Variants in SERPINA10 observed in about 807,000 individuals in gnomAD.
The protein encoded by SERPINA10 is protein Z-dependent protease inhibitor.
SERPINA10 carries 24 observed loss-of-function variants against 28.0 expected under a neutral mutation model. The ratio of observed to expected loss-of-function variants is 0.86; its 90% CI spans 0.62 to 1.20. The LOEUF (loss-of-function observed/expected upper bound fraction) is 1.20, where lower values mean the gene tolerates loss of function less well. Ranked by LOEUF, SERPINA10 falls within the 50% of genes most tolerant of loss-of-function variation. The pLI is 0.00. For synonymous variants in SERPINA10, 207 were observed against 203.9 expected (o/e 1.02, Z -0.13); for missense variants, 521 against 537.7 (o/e 0.97, Z 0.31).
chr14:94,290,725 G>C, intron 1 of SERPINA10, 82 bp from the exon 2 acceptor site: 1 of 1,463,826 alleles, frequency 6.8e-7, no homozygotes, highest in Non-Finnish European at 9.2e-7. Context: ...CAGGGACCCT[G>C]CCTCCTTCCT....
rs1471961674 is a variant in SERPINA10, at chr14:94,286,210, C to T, written c.1041G>A (p.Glu347=). ...FPKFKLDQKY[E]MHELLRQMGI... is the part of the protein sequence containing the mutation. ...CCATCTGCCTAAGCAGCTCATGCAT[C>T]TCATACTTCTGATCTAGCTTGAACT... Residue 347 remains glutamate, a synonymous_variant, in exon 4 of 5, where the codon GAG becomes GAA. Coordinates refer to ENST00000261994, the MANE Select transcript of SERPINA10 (RefSeq NM_001100607.3). 2 of 1,614,138 alleles carry T rather than the reference C, an allele frequency of 1.2e-6. No individual in the cohort carries two copies.
rs1250329305 is a variant in SERPINA10 at position 94,282,340 on chromosome 14, C to T, written c.*1625G>A. On this transcript the variant is annotated 3_prime_UTR_variant, in exon 5 of 5. Transcript: ENST00000261994. Reference sequence around the variant, plus strand: ...ACATAGTTCACACTGTAAATCAGCTCTATTCAGGATTCTCTGAATATAGTC... The same window carrying T: ...ACATAGTTCACACTGTAAATCAGCTTTATTCAGGATTCTCTGAATATAGTC... The T allele has an allele frequency of 2.0e-5, 3 of 152,122 alleles. No homozygotes were observed. The highest frequency in any genetic ancestry group is 4.4e-5 in the Non-Finnish European group (3 of 68,028). The allele number at this position is 152,122 out of a possible 1,614,324, so 9.4% of individuals were successfully genotyped here. A position where few individuals can be genotyped will look rare whatever the true frequency, so the allele number is the denominator to read the frequency against.
chr14:94,286,614 A>C (rs1251246295), intron 3 of SERPINA10, among the ~76,000 whole-genome samples: 1 of 152,216 alleles, frequency 6.6e-6, no homozygotes, highest in African/African-American at 2.4e-5. Flanking sequence ...TGGATTCTGC[A>C]GACCCGAGGA....
At chr14:94,292,649 G>A (rs1256987445) in intron 1 of SERPINA10, 5 of 701,764 alleles carry the variant, frequency 7.1e-6, no homozygotes, top group Middle Eastern at 2.3e-4. Context: ...TGCAGTGGTA[G>A]CCCAGTAATT....
chr14:94,283,792 G>A lies in SERPINA10; in HGVS notation c.*173C>T, dbSNP rs1894952891. 1.5e-6 allele frequency: 1 copy of A among 659,616 alleles called. No homozygotes were observed. The highest frequency in any genetic ancestry group is 1.8e-5 in the African/African-American group (1 of 55,218). The allele number at this position is 659,616 out of a possible 1,614,324, so 40.9% of individuals were successfully genotyped here. On this transcript the variant is annotated 3_prime_UTR_variant, in exon 5 of 5. Coordinates refer to ENST00000261994, the MANE Select transcript of SERPINA10 (RefSeq NM_001100607.3). The stretch of plus-strand genomic sequence containing the variant: ...TTTCAGGCATCTGCTGGGGGTCTTT[G>A]AATGTATCCCCCTCAGATAAGTGGG...
At chr14:94,292,780 C>A in intron 1 of SERPINA10, 1 of 683,160 alleles carries the variant, frequency 1.5e-6, no homozygotes, top group South Asian at 1.5e-5. Context: ...CACCATCCAG[C>A]ATGGTGAGGA....
intron 3 of SERPINA10, among the ~76,000 whole-genome samples, chr14:94,288,070 C>T (rs765040732): frequency 1.1e-4 from 17 of 152,124 alleles, no homozygotes; most frequent in Admixed American, 6.6e-4. Context: ...AGTCGCAGAA[C>T]GTAAAATACT....
rs904823927 is a variant in SERPINA10 at position 94,285,505 on chromosome 14, GTA to G, written c.1143+601_1143+602del. Among the ~76,000 whole-genome samples, 116 of 150,266 alleles carry G rather than the reference GTA, an allele frequency of 7.7e-4. 1 individual carries two copies. Among genetic ancestry groups the G allele is most frequent in the African/African-American group, 2.5e-3 (104 of 40,902 alleles). ...TCTCCATATATATATATATGTGTGT[GTA>G]TATATATATACACACACACATATAC... On this transcript the variant is annotated intron_variant, in intron 4 of 4. Coordinates refer to ENST00000261994, the MANE Select transcript of SERPINA10 (RefSeq NM_001100607.3).
At chr14:94,284,671 C>A (rs3790037) in intron 4 of SERPINA10, among the ~76,000 whole-genome samples, 35,982 of 152,028 alleles carry the variant, frequency 0.24, 5,138 homozygotes, top group East Asian at 0.59. Flanking sequence ...CTGGAGCCTT[C>A]CTGAATTCTG....
chr14:94,288,392 C>T lies in SERPINA10; in HGVS notation c.886G>A (p.Ala296Thr). 6.2e-7 allele frequency: 1 copy of T among 1,614,074 alleles called. No homozygotes were observed. Among genetic ancestry groups the T allele is most frequent in the Non-Finnish European group, 8.5e-7 (1 of 1,180,004 alleles). ...HVLKLPYQGN[A>T]TMLVVLMEKM... ...TCCATGAGGACCACCAGCATGGTGG[C>T]ATTTCCTTGGTAGGGCAGTTTGAGG... The change falls in exon 3 of 5, where the codon GCC (alanine) becomes ACC (threonine). Residue 296 changes from alanine to threonine, a missense_variant. Physicochemically the swap from Ala to Thr is moderately conservative, Grantham distance 58 (BLOSUM62 0). Transcript: ENST00000261994.
At chr14:94,289,809 C>T (rs192028384) in intron 2 of SERPINA10, 67 bp downstream of exon 2, 374 of 1,544,618 alleles carry the variant, frequency 2.4e-4, no homozygotes, top group Middle Eastern at 1.0e-3. Flanking sequence ...GCTGGCCTAA[C>T]GAAAGGAAAG....
chr14:94,290,911 C>A (rs1895160868), intron 1 of SERPINA10, among the ~76,000 whole-genome samples: 1 of 152,176 alleles, frequency 6.6e-6, no homozygotes, highest in Non-Finnish European at 1.5e-5. Context: ...CCCGTCTCCT[C>A]CCTGAGGGCC....
chr14:94,288,911 C>A (rs1310216811), intron 2 of SERPINA10, among the ~76,000 whole-genome samples: 2 of 152,196 alleles, frequency 1.3e-5, no homozygotes, highest in African/African-American at 4.8e-5. Context: ...ATAGTTGGCT[C>A]CAGCTTAGAG....
chr14:94,288,847 T>C (rs12434093), intron 2 of SERPINA10, among the ~76,000 whole-genome samples: 33,974 of 152,090 alleles, frequency 0.22, 4,516 homozygotes, highest in East Asian at 0.59. Flanking sequence ...TTCCTAACAA[T>C]CCCTGGCTCC....
chr14:94,286,456 T>C (rs553111661), intron 3 of SERPINA10, among the ~76,000 whole-genome samples, 198 bp from the exon 4 acceptor site: 21 of 152,356 alleles, frequency 1.4e-4, no homozygotes, highest in African/African-American at 5.1e-4. Flanking sequence ...TCAGCTTCAG[T>C]GAATGAGTTT....
intron 1 of SERPINA10, 40 bp from the exon 2 acceptor site, chr14:94,290,683 T>G: frequency 6.4e-7 from 1 of 1,561,696 alleles, no homozygotes; most frequent in Non-Finnish European, 8.6e-7. Flanking sequence ...TAATGCCTCC[T>G]AAAATGTCTT....
chr14:94,292,487 C>T, intron 1 of SERPINA10: 1 of 656,584 alleles, frequency 1.5e-6, no homozygotes, highest in Non-Finnish European at 2.8e-6. Context: ...TTTAGTGCTA[C>T]TTTCTACATT....
At chr14:94,284,252 T>TG in intron 4 of SERPINA10, 96 bp from the exon 5 acceptor site, 1 of 1,102,812 alleles carries the variant, frequency 9.1e-7, no homozygotes, top group East Asian at 2.5e-5. Flanking sequence ...GTCCTACCCA[T>TG]GGGGTCATGC....
chr14:94,292,665 G>A (rs769970964), intron 1 of SERPINA10: 2 of 701,618 alleles, frequency 2.9e-6, no homozygotes, highest in East Asian at 2.7e-5. Context: ...TAATTCCTGG[G>A]TGCTCCTGGA....
Sources: allele counts gnomAD v4.1 joint callset (sites outside exome capture counted in the v4.1 genomes callset), GRCh38; gene constraint gnomAD v4.1.1; transcripts MANE v1.5; gene names NCBI Gene and HGNC (gene_info 2026-07-23, HGNC 2026-07-21).